ZNF83: variants seen among roughly 807,000 people sequenced by gnomAD.
The protein encoded by ZNF83 is zinc finger protein 83.
For synonymous variants in ZNF83, 209 were observed against 213.0 expected (o/e 0.98, Z 0.17); for missense variants, 552 against 629.9 (o/e 0.88, Z 1.32).
exon 3 of ZNF83, chr19:52,613,296 A>T (rs2060169300): frequency 1.6e-5 from 26 of 1,614,020 alleles, no homozygotes; most frequent in Non-Finnish European, 2.2e-5. Flanking sequence ...TTTCTCCAGT[A>T]TGAATTCTCC....
intron 1 of ZNF83, among the ~76,000 whole-genome samples, chr19:52,670,354 A>C (rs1420555848): frequency 1.3e-5 from 2 of 152,192 alleles, no homozygotes; most frequent in Admixed American, 1.3e-4. Context: ...AACCCTCGCC[A>C]ATAGGGGAAT....
chr19:52,614,557 C>T (rs768797928), exon 3 of ZNF83: 5 of 1,584,416 alleles, frequency 3.2e-6, no homozygotes, highest in Non-Finnish European at 3.4e-6. Context: ...ATCCTTTCTC[C>T]CATGCATGTC....
chr19:52,613,603 T>A (rs199873537), exon 3 of ZNF83: 18 of 1,609,814 alleles, frequency 1.1e-5, no homozygotes, highest in Admixed American at 1.7e-5. Context: ...CTTGCCACAC[T>A]CATTACATTT....
At chr19:52,612,925 C>G in exon 3 of ZNF83, 1 of 1,139,080 alleles carries the variant, frequency 8.8e-7, no homozygotes, top group Non-Finnish European at 1.2e-6. Context: ...AAAGGCTCTG[C>G]TACATTCATT....
At chr19:52,627,608 A>C (rs554435198) in intron 2 of ZNF83, among the ~76,000 whole-genome samples, 1 of 152,178 alleles carries the variant, frequency 6.6e-6, no homozygotes, top group Non-Finnish European at 1.5e-5. Flanking sequence ...AGCTGAGATC[A>C]TACCAGTACT....
intron 2 of ZNF83, chr19:52,618,757 G>A (rs1203441620): frequency 1.4e-5 from 16 of 1,150,426 alleles, no homozygotes; most frequent in East Asian, 1.0e-4. Context: ...CATGAAGAAC[G>A]CAGAACATCT....
chr19:52,629,391 T>C (rs2060865582), intron 2 of ZNF83, among the ~76,000 whole-genome samples: 1 of 152,060 alleles, frequency 6.6e-6, no homozygotes, highest in African/African-American at 2.4e-5. Flanking sequence ...CAAGCATCGC[T>C]GAGTCTTTCT....
intron 2 of ZNF83, among the ~76,000 whole-genome samples, chr19:52,633,698 G>T (rs1039761071): frequency 2.6e-5 from 4 of 152,158 alleles, no homozygotes; most frequent in Admixed American, 2.6e-4. Context: ...ATCACCTGAG[G>T]TCGGGAGTTT....
At chr19:52,650,251 ACTTTTCTTT>A (rs1325284731) in intron 3 of ZNF83, among the ~76,000 whole-genome samples, 3 of 100,596 alleles carry the variant, frequency 3.0e-5, no homozygotes, top group African/African-American at 4.5e-5. Context: ...TGAGCTTGTT[ACTTTTCTTT>A]CTTTTTTTTT....
intron 1 of ZNF83, among the ~76,000 whole-genome samples, chr19:52,674,897 C>A (rs28569366): frequency 0.04 from 6,041 of 152,216 alleles, 343 homozygotes; most frequent in African/African-American, 0.13. Context: ...AAACAAAAAA[C>A]CGGCTGGGAA....
intron 1 of ZNF83, among the ~76,000 whole-genome samples, chr19:52,685,224 C>T (rs1325208663): frequency 1.3e-5 from 2 of 152,124 alleles, no homozygotes; most frequent in African/African-American, 2.4e-5. Context: ...TCTGGTCTAG[C>T]CCCTCATCTC....
At chr19:52,615,555 A>C (rs2060275210) in intron 2 of ZNF83, among the ~76,000 whole-genome samples, 1 of 152,128 alleles carries the variant, frequency 6.6e-6, no homozygotes, top group Non-Finnish European at 1.5e-5. Context: ...CCTGACCAAC[A>C]TGATTAAACC....
intron 2 of ZNF83, among the ~76,000 whole-genome samples, chr19:52,630,555 A>T (rs1311695147): frequency 6.6e-6 from 1 of 152,024 alleles, no homozygotes; most frequent in Non-Finnish European, 1.5e-5. Context: ...TAACCAAATT[A>T]TCTGCTTCCC....
At chr19:52,683,371 C>G (rs1435729745) in intron 1 of ZNF83, among the ~76,000 whole-genome samples, 4 of 152,130 alleles carry the variant, frequency 2.6e-5, no homozygotes, top group Non-Finnish European at 4.4e-5. Flanking sequence ...GGCTGCAGTT[C>G]ACTGTGCTGT....
rs1299055129 is a variant in ZNF83, at chr19:52,687,626, A to AATGTG, written c.-283+2816_-283+2817insCACAT. 1.1e-4 allele frequency among the ~76,000 whole-genome samples: 2 copies of AATGTG among 17,696 alleles called. 1 individual carries two copies. The highest frequency in any genetic ancestry group is 1.9e-4 in the Non-Finnish European group (2 of 10,632). The allele number at this position is 17,696 out of a possible 152,430, so 11.6% of individuals were successfully genotyped here. ...ATATATATATAATGTGTATATATAT[A>AATGTG]TATAATGTATATATATATATATATA... is the stretch of plus-strand genomic sequence containing the variant. On this transcript the variant is annotated intron_variant, in intron 1 of 5. Coordinates refer to the ZNF83 transcript ENST00000594682.
At chr19:52,665,362 G>A (rs972358994) in intron 1 of ZNF83, among the ~76,000 whole-genome samples, 1 of 151,810 alleles carries the variant, frequency 6.6e-6, no homozygotes, top group African/African-American at 2.4e-5. Context: ...CAGCCTGGGC[G>A]ACAAAGTAAG....
At chr19:52,623,309 CCT>C (rs751254272) in intron 2 of ZNF83, among the ~76,000 whole-genome samples, 3 of 152,086 alleles carry the variant, frequency 2.0e-5, no homozygotes, top group Admixed American at 6.6e-5. Context: ...AAGTCCATCC[CCT>C]GTTTAATTGA....
At chr19:52,639,009 T>G (rs2061246761), upstream of ZNF83, among the ~76,000 whole-genome samples, 1 of 152,220 alleles carries the variant, frequency 6.6e-6, no homozygotes, top group African/African-American at 2.4e-5. Context: ...ATAATAAAAT[T>G]TTTGATGATG....
intron 3 of ZNF83, chr19:52,653,432 G>A (rs556688516): frequency 6.7e-5 from 54 of 800,538 alleles, no homozygotes; most frequent in East Asian, 6.1e-4. Context: ...CTGTTATGGC[G>A]TGAAAGGCAT....
Sources: allele counts gnomAD v4.1 joint callset (sites outside exome capture counted in the v4.1 genomes callset), GRCh38; gene constraint gnomAD v4.1.1; transcripts MANE v1.5; gene names NCBI Gene and HGNC (gene_info 2026-07-23, HGNC 2026-07-21).